LRRC9: variants seen among roughly 807,000 people sequenced by gnomAD.
The protein encoded by LRRC9 is leucine-rich repeat-containing protein 9.
In LRRC9, 122 loss-of-function variants were observed where a neutral mutation model predicts 63.2. The observed-to-expected ratio is 1.93, with a 90% CI of 1.67 to 2.24. The LOEUF is 2.24. Ranked by LOEUF, LRRC9 falls within the 30% of genes most tolerant of loss-of-function variation. LRRC9 has a pLI of 0.00. For synonymous variants in LRRC9, 366 were observed against 213.1 expected, an observed-to-expected ratio of 1.72 and a Z score of -6.25; for missense variants, 1,071 against 627.7, an observed-to-expected ratio of 1.71 and a Z score of -7.55.
In LRRC9 at chr14:59,990,374, G is replaced by C. The variant is rs1389967904; in HGVS notation, c.2211+5150G>C. Among the ~76,000 whole-genome samples the C allele has an allele frequency of 6.6e-6, 1 of 151,982 alleles. No individual in the cohort carries two copies. The highest frequency in any genetic ancestry group is 1.5e-5 in the Non-Finnish European group (1 of 67,994). ...ATTCACAGGGGCTCGACTGCTCCAG[G>C]GACTGCTTTCTTCAGACCTTTCTTT... On this transcript the variant is annotated intron_variant, in intron 17 of 31. Coordinates refer to ENST00000445360, the Ensembl canonical transcript of LRRC9. This position sits in a 1 kb window ranked among gnomAD's most constrained non-coding sequence, Gnocchi z 4.2.
chr14:59,977,205 T>C lies in LRRC9; in HGVS notation c.1640-20T>C. ...AAAGTTAATTATTCTTAAGAATTAC[T>C]TCTGTTTTTTTATATTTAGGCATCC... On this transcript the variant is annotated intron_variant, in intron 13 of 31. Transcript: ENST00000445360. 1.5e-6 allele frequency: 1 copy of C among 660,578 alleles called. No homozygotes were observed. Among genetic ancestry groups the C allele is most frequent in the Non-Finnish European group, 2.7e-6 (1 of 372,382 alleles). The allele number at this position is 660,578 out of a possible 1,614,324, so 40.9% of individuals were successfully genotyped here.
At chr14:59,960,701 C>T (rs1229333970) in intron 9 of LRRC9, among the ~76,000 whole-genome samples, 1 of 152,192 alleles carries the variant, frequency 6.6e-6, no homozygotes, top group Non-Finnish European at 1.5e-5. Flanking sequence ...GTCTTCTAGC[C>T]TTCACATATT....
chr14:59,980,791 C>T (rs923340270), intron 15 of LRRC9, among the ~76,000 whole-genome samples: 2 of 152,148 alleles, frequency 1.3e-5, no homozygotes, highest in Non-Finnish European at 2.9e-5. Context: ...GAAACCCAGA[C>T]AAACAGTAAA....
intron 28 of LRRC9, among the ~76,000 whole-genome samples, chr14:60,029,447 A>G (rs1451457149): frequency 6.6e-6 from 1 of 152,134 alleles, no homozygotes; most frequent in African/African-American, 2.4e-5. Flanking sequence ...GTGACATTTT[A>G]TAGGGATCCA....
exon 5 of LRRC9, chr14:59,931,678 C>A (rs982268931): frequency 2.9e-6 from 2 of 697,304 alleles, no homozygotes; most frequent in African/African-American, 1.8e-5. Flanking sequence ...TAATAAATAG[C>A]ATTGGTATGT....
chr14:60,036,949 T>C (rs1365946454), intron 29 of LRRC9, among the ~76,000 whole-genome samples: 1 of 152,126 alleles, frequency 6.6e-6, no homozygotes, highest in African/African-American at 2.4e-5. Flanking sequence ...TGGTGTGGGA[T>C]GTTCCCTACC....
rs551711149 is a variant in LRRC9 at position 60,014,800 on chromosome 14, T to A, written c.3187-1860T>A. 2.0e-5 allele frequency among the ~76,000 whole-genome samples: 3 copies of A among 152,250 alleles called. No individual in the cohort carries two copies. In the South Asian group the frequency reaches 6.2e-4, roughly 32 times the overall value. On this transcript the variant is annotated intron_variant, in intron 23 of 31. Transcript: ENST00000445360. ...TTCTTACTTAGTTTCTTAGTTTATGTCTTTTGCCAGATTTGGAAGATTTTT... is the reference window on the plus strand; with the variant it reads ...TTCTTACTTAGTTTCTTAGTTTATGACTTTTGCCAGATTTGGAAGATTTTT...
chr14:60,037,304 C>T (rs146141506), intron 29 of LRRC9, among the ~76,000 whole-genome samples: 3,775 of 152,034 alleles, frequency 0.025, 156 homozygotes, highest in African/African-American at 0.085. Flanking sequence ...CTGGGTCAAA[C>T]GGTATTTCTA....
Position 59,919,907 on chromosome 14 carries a change from T to A in LRRC9, c.-34+24T>A, listed in dbSNP as rs998819816. On this transcript the variant is annotated intron_variant, in intron 1 of 31. Transcript: ENST00000445360. The surrounding 1 kb of genome is among the most constrained non-coding windows in gnomAD (Gnocchi z 4.5). The stretch of plus-strand genomic sequence containing the variant: ...AGGTAAGTGAAAAGATAAGCGCAGG[T>A]ACAGAAAAACCTGCCAGCGAGAAGC... 6.6e-6 allele frequency: 1 copy of A among 152,166 alleles called. No individual in the cohort carries two copies. The highest frequency in any genetic ancestry group is 2.4e-5 in the African/African-American group (1 of 41,434). The allele number at this position is 152,166 out of a possible 1,614,324, so 9.4% of individuals were successfully genotyped here. A position where few individuals can be genotyped will look rare whatever the true frequency, so the allele number is the denominator to read the frequency against.
At chr14:59,949,208 A>G (rs1882818359) in intron 8 of LRRC9, among the ~76,000 whole-genome samples, 2 of 151,416 alleles carry the variant, frequency 1.3e-5, no homozygotes, top group Admixed American at 1.3e-4. Flanking sequence ...GTCTATTCAG[A>G]GATTCAACTT....
In LRRC9 at chr14:59,966,029, T is replaced by G. The variant is rs768809948; in HGVS notation, c.1212-560T>G. Reference sequence around the variant, plus strand: ...ATGGAAAATACTCAGAGGAGCAGGTTTGGGGTGCAGTGTTAGTTATGTTAG... The same window carrying G: ...ATGGAAAATACTCAGAGGAGCAGGTGTGGGGTGCAGTGTTAGTTATGTTAG... On this transcript the variant is annotated intron_variant, in intron 10 of 31. Transcript: ENST00000445360. This position sits in a 1 kb window ranked among gnomAD's most constrained non-coding sequence, Gnocchi z 4.0. Among the ~76,000 whole-genome samples, 28 of 150,932 alleles carry G rather than the reference T, an allele frequency of 1.9e-4. No homozygotes were observed. The highest frequency in any genetic ancestry group is 2.4e-4 in the Non-Finnish European group (16 of 67,868).
At chr14:59,984,532 TG>T (rs1325656409) in intron 16 of LRRC9, among the ~76,000 whole-genome samples, 1 of 152,198 alleles carries the variant, frequency 6.6e-6, no homozygotes, top group Non-Finnish European at 1.5e-5. Context: ...TAATAATATT[TG>T]TTTTTATATA....
intron 23 of LRRC9, among the ~76,000 whole-genome samples, chr14:60,013,345 T>C (rs904529521): frequency 2.6e-5 from 4 of 152,152 alleles, no homozygotes; most frequent in African/African-American, 9.7e-5. Flanking sequence ...CTCACAGGGA[T>C]AGATGAAAGC....
At chr14:59,997,289 C>CT (rs1888900328) in intron 17 of LRRC9, among the ~76,000 whole-genome samples, 1 of 151,764 alleles carries the variant, frequency 6.6e-6, no homozygotes, top group African/African-American at 2.4e-5. Context: ...GAAGATGAAC[C>CT]TTTTTAAAGC....
chr14:59,932,308 T>C lies in LRRC9; in HGVS notation c.543+269T>C, dbSNP rs1022283806. 6.6e-6 allele frequency among the ~76,000 whole-genome samples: 1 copy of C among 152,122 alleles called. No individual in the cohort carries two copies. Among genetic ancestry groups the C allele is most frequent in the African/African-American group, 2.4e-5 (1 of 41,444 alleles). ...TCTGGCTACATCTCTTCAGTTTCTG[T>C]TCTTTCATCCTCTCCTAGCATCTAA... is the stretch of plus-strand genomic sequence containing the variant. On this transcript the variant is annotated intron_variant, in intron 6 of 31. Coordinates refer to ENST00000445360, the Ensembl canonical transcript of LRRC9. The surrounding 1 kb of genome is among the most constrained non-coding windows in gnomAD (Gnocchi z 4.7).
At chr14:59,931,227 G>C (rs1889677876) in intron 4 of LRRC9, among the ~76,000 whole-genome samples, 169 bp downstream of exon 4, 1 of 151,948 alleles carries the variant, frequency 6.6e-6, no homozygotes, top group South Asian at 2.1e-4. Context: ...AGGTACAGAG[G>C]GCATTGTGTA....
intron 6 of LRRC9, among the ~76,000 whole-genome samples, chr14:59,935,367 A>G (rs970432366): frequency 6.6e-6 from 1 of 152,112 alleles, no homozygotes; most frequent in Non-Finnish European, 1.5e-5. Context: ...TTTTATAAAC[A>G]TGTTACTCTG....
chr14:60,039,576 A>G (rs1334748750), intron 29 of LRRC9, among the ~76,000 whole-genome samples: 2 of 152,070 alleles, frequency 1.3e-5, no homozygotes, highest in East Asian at 3.9e-4. Context: ...ATTCTCTGAC[A>G]GTAGTTTGTA....
In LRRC9 at chr14:59,942,813, T is replaced by C. The variant is rs549218849; in HGVS notation, c.727-1776T>C. On this transcript the variant is annotated intron_variant, in intron 7 of 31. Coordinates refer to ENST00000445360, the Ensembl canonical transcript of LRRC9. The surrounding 1 kb of genome is among the most constrained non-coding windows in gnomAD (Gnocchi z 5.3). ...TCTGTCTTTTTGATAATAGCCATTC[T>C]AACTAGGTGAGATTATATTGTGATT... Among the ~76,000 whole-genome samples the C allele has an allele frequency of 3.9e-5, 6 of 152,304 alleles. No individual in the cohort carries two copies. In the South Asian group the frequency reaches 1.2e-3, roughly 32 times the overall value.
Sources: gnomAD v4.1 joint callset for allele counts (sites outside exome capture counted in the v4.1 genomes callset) on GRCh38, gnomAD v4.1.1 for gene constraint, Gnocchi (gnomAD v3.1) non-coding constraint, MANE v1.5 for transcripts, NCBI Gene and HGNC (gene_info 2026-07-23, HGNC 2026-07-21) for gene names.